The following SMURF2 variants were observed in gnomAD, a reference collection of about 807,000 sequenced individuals.
SMURF2 encodes E3 ubiquitin-protein ligase SMURF2.
In SMURF2, 48 loss-of-function variants were observed where a neutral mutation model predicts 109.6. The observed-to-expected ratio is 0.44, with a 90% CI of 0.35 to 0.56. The LOEUF is 0.56. SMURF2 is among the 20% of genes least tolerant of loss of function. The pLI, the probability that SMURF2 is intolerant of heterozygous loss-of-function variation, is 0.01. For missense variants in SMURF2, 575 were observed against 909.0 expected (o/e 0.63, Z 4.72); for synonymous variants, 288 against 317.1 (o/e 0.91, Z 0.97).
At chr17:64,571,708 T>C (rs1652632350) in intron 10 of SMURF2, 90 bp downstream of exon 10, 1 of 1,323,118 alleles carries the variant, frequency 7.6e-7, no homozygotes, top group Non-Finnish European at 1.0e-6. Context: ...CGTGAGCCAC[T>C]GTATCGAGAC....
At chr17:64,627,918 T>C (rs557770757) in intron 1 of SMURF2, among the ~76,000 whole-genome samples, 1 of 152,342 alleles carries the variant, frequency 6.6e-6, no homozygotes, top group Admixed American at 6.5e-5. Context: ...TTAGACTTTG[T>C]GCTGGATTAG....
chr17:64,643,475 C>T (rs1169726291), intron 1 of SMURF2, among the ~76,000 whole-genome samples: 2 of 152,166 alleles, frequency 1.3e-5, no homozygotes, highest in African/African-American at 4.8e-5. Flanking sequence ...AGGCTGCCGT[C>T]ATGTACTACA....
rs375387142 is a variant in SMURF2, at chr17:64,576,578, C to T, written c.857+1914G>A. Reference sequence around the variant, plus strand: ...ACTCAGGAGGCTGAGGCAGGAGAATCACTTGAACCCGGGAGGCGGAGGTTG... The same window carrying T: ...ACTCAGGAGGCTGAGGCAGGAGAATTACTTGAACCCGGGAGGCGGAGGTTG... On this transcript the variant is annotated intron_variant, in intron 9 of 18. Coordinates refer to ENST00000262435, the MANE Select transcript of SMURF2 (RefSeq NM_022739.4). Among the ~76,000 whole-genome samples the T allele has an allele frequency of 1.4e-4, 22 of 152,004 alleles. 1 individual carries two copies. The highest frequency in any genetic ancestry group is 5.3e-4 in the African/African-American group (22 of 41,410).
At chr17:64,610,608 C>T (rs1368543804) in intron 1 of SMURF2, among the ~76,000 whole-genome samples, 4 of 151,912 alleles carry the variant, frequency 2.6e-5, no homozygotes, top group Admixed American at 6.6e-5. Context: ...GGCCTGTTGG[C>T]GGGTTGGGGG....
intron 1 of SMURF2, among the ~76,000 whole-genome samples, chr17:64,626,994 A>G (rs376444926): frequency 5.9e-5 from 9 of 151,650 alleles, no homozygotes; most frequent in African/African-American, 2.2e-4. Context: ...GATAGGCTCC[A>G]GTCTTTAAGC....
At chr17:64,586,486 T>C (rs1190570072) in intron 5 of SMURF2, among the ~76,000 whole-genome samples, 17 of 152,100 alleles carry the variant, frequency 1.1e-4, no homozygotes, top group Admixed American at 3.3e-4. Context: ...CGGTGGCTCA[T>C]GCCTGTAATC....
chr17:64,569,096 T>G (rs1460965086), intron 10 of SMURF2, among the ~76,000 whole-genome samples: 1 of 151,654 alleles, frequency 6.6e-6, no homozygotes, highest in Non-Finnish European at 1.5e-5. Context: ...TGTCAAGAGC[T>G]CGAGACCAGT....
intron 1 of SMURF2, among the ~76,000 whole-genome samples, chr17:64,636,602 C>CAAAAAAA (rs782425202): frequency 1.2e-3 from 46 of 38,746 alleles, no homozygotes; most frequent in Admixed American, 1.9e-3. Context: ...GACTCTGCCT[C>CAAAAAAA]AAAAAAAAAA....
intron 3 of SMURF2, among the ~76,000 whole-genome samples, chr17:64,594,963 C>T (rs1339014139): frequency 6.6e-6 from 1 of 151,960 alleles, no homozygotes; most frequent in Non-Finnish European, 1.5e-5. Context: ...GCACTCCAGC[C>T]TGGGCAACAA....
chr17:64,601,875 TTTATA>T (rs1394649788), intron 2 of SMURF2, among the ~76,000 whole-genome samples: 3 of 148,438 alleles, frequency 2.0e-5, no homozygotes, highest in Non-Finnish European at 4.5e-5. Flanking sequence ...TATATATATG[TTTATA>T]TTATATAATT....
chr17:64,569,250 G>T (rs1272175533), intron 10 of SMURF2, among the ~76,000 whole-genome samples: 1 of 151,778 alleles, frequency 6.6e-6, no homozygotes, highest in Non-Finnish European at 1.5e-5. Context: ...GCAGTGAGCT[G>T]AGATCACGCC....
At chr17:64,647,235 T>A (rs1164308336) in intron 1 of SMURF2, among the ~76,000 whole-genome samples, 11 of 146,396 alleles carry the variant, frequency 7.5e-5, no homozygotes, top group Non-Finnish European at 6.0e-5. Context: ...CTAGAAAAAA[T>A]ACAATTAGGG....
intron 10 of SMURF2, among the ~76,000 whole-genome samples, chr17:64,570,955 A>T (rs1555685502): frequency 6.6e-6 from 1 of 152,104 alleles, no homozygotes. Flanking sequence ...TAATTTTAAA[A>T]AAATTTTTTG....
At chr17:64,551,763 T>C in intron 15 of SMURF2, 59 bp from the exon 16 acceptor site, 1 of 1,598,728 alleles carries the variant, frequency 6.3e-7, no homozygotes, top group Non-Finnish European at 8.5e-7. Flanking sequence ...TGGTAATTAT[T>C]ATTATAAATC....
intron 1 of SMURF2, among the ~76,000 whole-genome samples, chr17:64,643,919 T>C (rs1555692787): frequency 2.0e-5 from 3 of 151,058 alleles, no homozygotes; most frequent in Admixed American, 6.6e-5. Flanking sequence ...CTCTGCCTCC[T>C]GGGTTCAGGC....
intron 1 of SMURF2, among the ~76,000 whole-genome samples, chr17:64,652,410 ATAAACT>A (rs1195798512): frequency 1.3e-5 from 2 of 152,248 alleles, no homozygotes; most frequent in East Asian, 3.8e-4. Flanking sequence ...GTTAAAACAA[ATAAACT>A]TAAAGGGTAG....
At chr17:64,560,010 C>CCAAAGTG (rs2144601516) in intron 12 of SMURF2, among the ~76,000 whole-genome samples, 1 of 151,780 alleles carries the variant, frequency 6.6e-6, no homozygotes, top group East Asian at 1.9e-4. Flanking sequence ...CCTCAGTCTC[C>CCAAAGTG]CAAAGTGCTG....
At chr17:64,570,278 T>C (rs781836459) in intron 10 of SMURF2, among the ~76,000 whole-genome samples, 2 of 152,228 alleles carry the variant, frequency 1.3e-5, no homozygotes, top group Non-Finnish European at 2.9e-5. Context: ...ATAAGAACTT[T>C]ACAACAAATG....
chr17:64,634,046 T>C (rs371751267), intron 1 of SMURF2, among the ~76,000 whole-genome samples: 5 of 152,024 alleles, frequency 3.3e-5, no homozygotes, highest in African/African-American at 1.2e-4. Context: ...CCCAGCTACT[T>C]GGGAGGCTGA....
Sources: allele counts gnomAD v4.1 joint callset (sites outside exome capture counted in the v4.1 genomes callset), GRCh38; gene constraint gnomAD v4.1.1; transcripts MANE v1.5; gene names NCBI Gene and HGNC (gene_info 2026-07-23, HGNC 2026-07-21).